GTF2F2: variants seen among roughly 807,000 people sequenced by gnomAD.
GTF2F2 encodes ATP-dependent helicase GTF2F2.
GTF2F2 carries 23 observed loss-of-function variants against 42.2 expected under a neutral mutation model. The ratio of observed to expected loss-of-function variants is 0.55; its 90% CI spans 0.39 to 0.77. GTF2F2 has a LOEUF of 0.77. Ranked by LOEUF, GTF2F2 falls within the 30% of genes least tolerant of loss-of-function variation. GTF2F2 has a pLI of 0.00. For missense variants in GTF2F2, 261 were observed against 287.2 expected, an observed-to-expected ratio of 0.91 and a Z score of 0.66; for synonymous variants, 105 against 100.8, an observed-to-expected ratio of 1.04 and a Z score of -0.25.
intron 4 of GTF2F2, among the ~76,000 whole-genome samples, chr13:45,200,313 A>G (rs936948600): frequency 1.3e-5 from 2 of 152,142 alleles, no homozygotes; most frequent in Non-Finnish European, 1.5e-5. Flanking sequence ...TTATTTTATA[A>G]CTTTTATAAA....
chr13:45,163,676 A>G (rs970805317), intron 4 of GTF2F2, among the ~76,000 whole-genome samples: 4 of 152,084 alleles, frequency 2.6e-5, no homozygotes, highest in Admixed American at 1.3e-4. Context: ...ATTTTTAAAA[A>G]CCTCATTCAA....
chr13:45,202,548 T>C (rs1479688260), intron 4 of GTF2F2, among the ~76,000 whole-genome samples: 2 of 152,198 alleles, frequency 1.3e-5, no homozygotes, highest in Non-Finnish European at 2.9e-5. Context: ...CTACAGCACA[T>C]ATGGAATAAC....
intron 7 of GTF2F2, among the ~76,000 whole-genome samples, chr13:45,272,870 C>T (rs1876857981): frequency 6.6e-6 from 1 of 151,264 alleles, no homozygotes; most frequent in Non-Finnish European, 1.5e-5. Context: ...GTTCTCCCAC[C>T]TCAGCCTCTT....
rs1280002301 is a variant in GTF2F2, at chr13:45,248,182, G to A, written c.387-4689G>A. Among the ~76,000 whole-genome samples, 8 of 152,034 alleles carry A rather than the reference G, an allele frequency of 5.3e-5. No homozygotes were observed. In the East Asian group the frequency reaches 1.5e-3, roughly 29 times the overall value. ...AAATGGAGTTTTATTTCATTAGAAT[G>A]AATACTAGTTCAAGCTTGACTAAAT... On this transcript the variant is annotated intron_variant, in intron 5 of 7. Transcript: ENST00000340473.
intron 2 of GTF2F2, among the ~76,000 whole-genome samples, 193 bp from the exon 3 acceptor site, chr13:45,149,577 T>C (rs1870379231): frequency 6.6e-6 from 1 of 152,196 alleles, no homozygotes; most frequent in African/African-American, 2.4e-5. Context: ...TAATGATGTG[T>C]GATTAATGTG....
At chr13:45,260,843 A>G (rs986536364) in intron 6 of GTF2F2, among the ~76,000 whole-genome samples, 15 of 152,130 alleles carry the variant, frequency 9.9e-5, no homozygotes, top group African/African-American at 3.6e-4. Flanking sequence ...CAGCCTGGGC[A>G]GTATAGCCAG....
At chr13:45,274,520 C>T (rs765261878) in intron 7 of GTF2F2, among the ~76,000 whole-genome samples, 17 of 151,778 alleles carry the variant, frequency 1.1e-4, no homozygotes, top group South Asian at 4.2e-4. Context: ...TAGTAGATAC[C>T]GGGTTTCACT....
At chr13:45,270,448 T>C (rs531058605) in intron 7 of GTF2F2, among the ~76,000 whole-genome samples, 1 of 152,276 alleles carries the variant, frequency 6.6e-6, no homozygotes, top group African/African-American at 2.4e-5. Context: ...GGTAAGAGGC[T>C]TTTTACATCG....
intron 4 of GTF2F2, among the ~76,000 whole-genome samples, chr13:45,203,771 C>T (rs938734757): frequency 3.9e-5 from 6 of 152,096 alleles, no homozygotes; most frequent in African/African-American, 9.7e-5. Context: ...GGGCATCTGT[C>T]GCTATATTTA....
intron 7 of GTF2F2, among the ~76,000 whole-genome samples, chr13:45,272,441 C>CAA (rs1307383194): frequency 1.6e-3 from 147 of 91,164 alleles, no homozygotes; most frequent in Middle Eastern, 5.6e-3. Flanking sequence ...AAAAAAAAAA[C>CAA]AAAAAAAAAA....
chr13:45,165,331 A>ATTTT (rs1555265772), intron 4 of GTF2F2, among the ~76,000 whole-genome samples: 57 of 136,914 alleles, frequency 4.2e-4, no homozygotes, highest in African/African-American at 1.5e-3. Context: ...ATATATATAT[A>ATTTT]TTTTTTTTTT....
intron 2 of GTF2F2, among the ~76,000 whole-genome samples, chr13:45,143,425 G>T (rs1260995025): frequency 2.0e-5 from 3 of 152,176 alleles, no homozygotes; most frequent in Non-Finnish European, 4.4e-5. Flanking sequence ...TGCGTAAATT[G>T]TTTACTCTGT....
intron 4 of GTF2F2, among the ~76,000 whole-genome samples, chr13:45,165,997 A>G (rs1299777183): frequency 6.6e-6 from 1 of 151,748 alleles, no homozygotes; most frequent in African/African-American, 2.4e-5. Flanking sequence ...TATTTTTAGT[A>G]GAGACGGGGT....
chr13:45,255,059 C>G (rs1270069674), intron 6 of GTF2F2, among the ~76,000 whole-genome samples: 1 of 147,984 alleles, frequency 6.8e-6, no homozygotes, highest in Admixed American at 6.9e-5. Flanking sequence ...TCCAGCCACT[C>G]GGGAGGTGAG....
Position 45,207,404 on chromosome 13 carries a change from C to CTTT in GTF2F2, c.305-12_305-10dup. ...AAATGATAAGTATTATCTCTGAATCCTTTTTTTTTTCCATTCAAGATAAGC... is the reference window on the plus strand; with the variant it reads ...AAATGATAAGTATTATCTCTGAATCCTTTTTTTTTTTTTCCATTCAAGATAAGC... On this transcript the variant is annotated intron_variant, in intron 4 of 7. Transcript: ENST00000340473. 3 of 1,284,338 alleles carry CTTT rather than the reference C, an allele frequency of 2.3e-6. No homozygotes were observed. Among genetic ancestry groups the CTTT allele is most frequent in the Non-Finnish European group, 3.3e-6 (3 of 921,566 alleles). The allele number at this position is 1,284,338 out of a possible 1,614,324, so 79.6% of individuals were successfully genotyped here.
At chr13:45,189,261 C>G (rs1872540639) in intron 4 of GTF2F2, among the ~76,000 whole-genome samples, 1 of 152,090 alleles carries the variant, frequency 6.6e-6, no homozygotes. Context: ...GCATAATATT[C>G]CATCATGTAT....
At chr13:45,219,520 A>C (rs891927515) in intron 5 of GTF2F2, 2 of 152,200 alleles carry the variant, frequency 1.3e-5, no homozygotes, top group African/African-American at 4.8e-5. Flanking sequence ...TCATTCTTTT[A>C]GTTTGGAATT....
Position 45,182,161 on chromosome 13 carries a change from T to C in GTF2F2, c.305-25263T>C, listed in dbSNP as rs1279627610. ...CATTTCACTTTCCTAGTGTTGTTTA[T>C]TTGTTTGTTGAGACAGTCTCGCTCT... is the stretch of plus-strand genomic sequence containing the variant. On this transcript the variant is annotated intron_variant, in intron 4 of 7. Transcript: ENST00000340473. 2.6e-5 allele frequency among the ~76,000 whole-genome samples: 4 copies of C among 152,254 alleles called. No homozygotes were observed. The East Asian group carries it at 7.7e-4, about 29-fold the overall frequency.
At chr13:45,197,333 C>A (rs1451881789) in intron 4 of GTF2F2, among the ~76,000 whole-genome samples, 7 of 132,946 alleles carry the variant, frequency 5.3e-5, no homozygotes, top group Admixed American at 3.6e-4. Context: ...CCTTTGTCTA[C>A]CAAAAATTAA....
Sources: allele counts gnomAD v4.1 joint callset (sites outside exome capture counted in the v4.1 genomes callset), GRCh38; gene constraint gnomAD v4.1.1; transcripts MANE v1.5; gene names NCBI Gene and HGNC (gene_info 2026-07-23, HGNC 2026-07-21).